AKT3: variants seen among roughly 807,000 people sequenced by gnomAD.
The protein encoded by AKT3 is RAC-gamma serine/threonine-protein kinase.
AKT3 carries 15 observed loss-of-function variants against 65.3 expected under a neutral mutation model. That is an observed-to-expected ratio of 0.23 (90% CI 0.15 to 0.35). The LOEUF is 0.35. Among genes scored for constraint, AKT3 ranks in the 10% least tolerant of loss-of-function variants. The probability of loss-of-function intolerance (pLI) is 1.00; values close to 1 mark genes in which losing one functional copy is unlikely to be tolerated. For missense variants in AKT3, 243 were observed against 576.5 expected (o/e 0.42, Z 5.92); for synonymous variants, 206 against 183.8 (o/e 1.12, Z -0.98).
intron 2 of AKT3, among the ~76,000 whole-genome samples, chr1:243,775,473 C>G (rs1479466820): frequency 2.0e-5 from 3 of 152,210 alleles, no homozygotes; most frequent in Non-Finnish European, 2.9e-5. Flanking sequence ...AGCCACTGCG[C>G]CCGGCCAGTT....
At chr1:243,618,879 C>A (rs564952721) in intron 6 of AKT3, among the ~76,000 whole-genome samples, 7 of 101,794 alleles carry the variant, frequency 6.9e-5, no homozygotes, top group South Asian at 2.8e-4. Context: ...TAGGAGAGGG[C>A]AAACAAGAGG....
chr1:243,647,583 AC>A (rs1680916591), intron 4 of AKT3, among the ~76,000 whole-genome samples: 1 of 152,222 alleles, frequency 6.6e-6, no homozygotes, highest in Non-Finnish European at 1.5e-5. Flanking sequence ...ATTTAAAAAT[AC>A]AATTGATTTT....
chr1:243,641,283 C>T (rs1488383139), intron 5 of AKT3, among the ~76,000 whole-genome samples: 5 of 149,972 alleles, frequency 3.3e-5, no homozygotes, highest in South Asian at 2.1e-4. Flanking sequence ...TACACACACA[C>T]ACACACGCAC....
chr1:243,492,328 G>C (rs1439507974), intron 13 of AKT3, among the ~76,000 whole-genome samples: 1 of 125,072 alleles, frequency 8.0e-6, no homozygotes, highest in African/African-American at 3.2e-5. Context: ...TTGAGACGGA[G>C]TCTTGCTCCG....
At chr1:243,850,299 G>GGCA (rs1435499083), upstream of AKT3, among the ~76,000 whole-genome samples, 1 of 143,156 alleles carries the variant, frequency 7.0e-6, no homozygotes, top group Non-Finnish European at 1.5e-5. Flanking sequence ...AGCGGGAGGC[G>GGCA]GCGGCGGCGG....
intron 4 of AKT3, among the ~76,000 whole-genome samples, chr1:243,663,446 T>G (rs1572130212): frequency 9.4e-6 from 1 of 106,300 alleles, no homozygotes; most frequent in Non-Finnish European, 1.9e-5. Flanking sequence ...GAGGGGAGGG[T>G]GTGCGGGGAG....
intron 2 of AKT3, among the ~76,000 whole-genome samples, chr1:243,748,508 T>C (rs1392796233): frequency 6.6e-6 from 1 of 152,178 alleles, no homozygotes; most frequent in African/African-American, 2.4e-5. Flanking sequence ...AAAAATTCAT[T>C]AGTCCCTATA....
intron 11 of AKT3, among the ~76,000 whole-genome samples, chr1:243,549,507 C>T (rs1672896145): frequency 6.6e-6 from 1 of 152,148 alleles, no homozygotes; most frequent in Admixed American, 6.5e-5. Flanking sequence ...TGGGTCACTG[C>T]AGTCTCGACC....
intron 2 of AKT3, among the ~76,000 whole-genome samples, chr1:243,706,196 C>T (rs913391218): frequency 2.0e-5 from 3 of 152,144 alleles, no homozygotes; most frequent in Admixed American, 6.5e-5. Context: ...ACTAAATAAA[C>T]CTACCACCAT....
chr1:243,619,431 C>A (rs573252603), intron 6 of AKT3, among the ~76,000 whole-genome samples: 1 of 134,196 alleles, frequency 7.5e-6, no homozygotes, highest in African/African-American at 2.5e-5. Context: ...AGTCGCCCTA[C>A]TGAACTATCT....
At chr1:243,821,331 A>G (rs934737990) in intron 2 of AKT3, among the ~76,000 whole-genome samples, 1 of 152,200 alleles carries the variant, frequency 6.6e-6, no homozygotes. Context: ...GCAAAAATAC[A>G]CTGAAATACA....
intron 8 of AKT3, among the ~76,000 whole-genome samples, chr1:243,604,875 ATAAAGT>A (rs1257039098): frequency 6.6e-6 from 1 of 152,232 alleles, no homozygotes; most frequent in Admixed American, 6.5e-5. Context: ...GTACTAGATT[ATAAAGT>A]TAATCCATAA....
intron 6 of AKT3, among the ~76,000 whole-genome samples, chr1:243,617,872 A>G (rs320309): frequency 0.17 from 25,296 of 152,062 alleles, 2,239 homozygotes; most frequent in South Asian, 0.3. Flanking sequence ...TGCTAATATA[A>G]AAGTTACATG....
At chr1:243,700,477 T>C (rs1685375893) in intron 2 of AKT3, among the ~76,000 whole-genome samples, 1 of 151,606 alleles carries the variant, frequency 6.6e-6, no homozygotes, top group South Asian at 2.1e-4. Flanking sequence ...GTAAAAATAC[T>C]GCATTATTTT....
chr1:243,490,549 C>T (rs1250232151), intron 13 of AKT3, among the ~76,000 whole-genome samples: 2 of 152,258 alleles, frequency 1.3e-5, no homozygotes, highest in East Asian at 1.9e-4. Flanking sequence ...CCCCTGCCCC[C>T]GCTTCGGACA....
At chr1:243,701,665 CAAA>C (rs74162707) in intron 2 of AKT3, among the ~76,000 whole-genome samples, 1 of 124,962 alleles carries the variant, frequency 8.0e-6, no homozygotes. Flanking sequence ...AGAAAAAATG[CAAA>C]AAAAAAAAAA....
At chr1:243,506,975 ACT>A (rs1669708421) in intron 13 of AKT3, among the ~76,000 whole-genome samples, 1 of 151,862 alleles carries the variant, frequency 6.6e-6, no homozygotes, top group Admixed American at 6.6e-5. Context: ...GAGTATAAAA[ACT>A]CTCTAGAGAA....
chr1:243,513,679 A>G (rs770168544), intron 12 of AKT3, among the ~76,000 whole-genome samples: 1 of 152,170 alleles, frequency 6.6e-6, no homozygotes, highest in Non-Finnish European at 1.5e-5. Flanking sequence ...CTTTCTGTTT[A>G]CCCCCAGCAC....
intron 12 of AKT3, among the ~76,000 whole-genome samples, chr1:243,529,691 T>C (rs1411774246): frequency 6.6e-6 from 1 of 152,238 alleles, no homozygotes; most frequent in Non-Finnish European, 1.5e-5. Context: ...TTGGTTACTA[T>C]AGCCTGCAGT....
Sources: gnomAD v4.1 joint callset for allele counts (sites outside exome capture counted in the v4.1 genomes callset) on GRCh38, gnomAD v4.1.1 for gene constraint, MANE v1.5 for transcripts, NCBI Gene and HGNC (gene_info 2026-07-23, HGNC 2026-07-21) for gene names.